GPHN: variants seen among roughly 807,000 people sequenced by gnomAD.
GPHN encodes gephyrin.
In GPHN, 17 loss-of-function variants were observed where a neutral mutation model predicts 95.5. The observed-to-expected ratio is 0.18, with a 90% confidence interval of 0.12 to 0.27. The LOEUF (loss-of-function observed/expected upper bound fraction) is 0.27, where lower values mean the gene tolerates loss of function less well. Ranked by LOEUF, GPHN falls within the 10% of genes least tolerant of loss-of-function variation. The pLI, the probability that GPHN is intolerant of heterozygous loss-of-function variation, is 1.00. For missense variants in GPHN, 660 were observed against 978.1 expected, an observed-to-expected ratio of 0.67 and a Z score of 4.34; for synonymous variants, 320 against 322.5, an observed-to-expected ratio of 0.99 and a Z score of 0.08.
chr14:67,729,968 T>G, the GPHN span: 1 of 376,162 alleles, frequency 2.7e-6, no homozygotes, highest in East Asian at 7.2e-5. Context: ...GTTGTCCCGC[T>G]TTGTTCAAGG....
At chr14:67,092,053 A>G (rs901168668) in intron 12 of GPHN, among the ~76,000 whole-genome samples, 11 of 152,092 alleles carry the variant, frequency 7.2e-5, no homozygotes, top group African/African-American at 2.7e-4. Context: ...GTCTGTGTAT[A>G]CAATATGAAC....
At chr14:66,834,649 C>T (rs1295648477) in intron 4 of GPHN, among the ~76,000 whole-genome samples, 1 of 151,426 alleles carries the variant, frequency 6.6e-6, no homozygotes, top group South Asian at 2.1e-4. Flanking sequence ...CTGCTGGATT[C>T]GGTTTGCCAG....
At chr14:67,047,338 G>T (rs373398404) in intron 10 of GPHN, among the ~76,000 whole-genome samples, 66 of 136,434 alleles carry the variant, frequency 4.8e-4, no homozygotes, top group African/African-American at 1.6e-3. Context: ...GTGTGTTTGT[G>T]TGTGTGTGTG....
intron 1 of GPHN, among the ~76,000 whole-genome samples, chr14:66,639,917 C>T (rs1042122098): frequency 2.0e-5 from 3 of 152,052 alleles, no homozygotes; most frequent in East Asian, 1.9e-4. Context: ...TAGTGCTTAT[C>T]GTATTTCTGT....
the GPHN span, chr14:67,376,447 C>G: frequency 6.2e-7 from 1 of 1,605,022 alleles, no homozygotes; most frequent in Non-Finnish European, 8.5e-7. Context: ...AGGTTTATAG[C>G]ATTCTTCGTC....
chr14:67,685,003 T>C, the GPHN span: 3 of 1,595,764 alleles, frequency 1.9e-6, no homozygotes, highest in Non-Finnish European at 2.6e-6. Flanking sequence ...CAAAAAGAGA[T>C]AACATTCATA....
the GPHN span, chr14:67,674,634 G>A: frequency 2.4e-5 from 14 of 581,938 alleles, no homozygotes; most frequent in African/African-American, 1.6e-4. Flanking sequence ...CGGAGCCGCG[G>A]CAGGGTCCTC....
chr14:67,030,306 C>A (rs2074134242), intron 10 of GPHN, among the ~76,000 whole-genome samples: 1 of 152,132 alleles, frequency 6.6e-6, no homozygotes, highest in African/African-American at 2.4e-5. Flanking sequence ...TTTGTCCAAA[C>A]CAGAAATCTT....
Position 66,922,878 on chromosome 14 carries a change from T to C in GPHN, c.669T>C (p.Gly223=), listed in dbSNP as rs1342866999. 8 of 1,613,128 alleles carry C rather than the reference T, an allele frequency of 5.0e-6. No individual in the cohort carries two copies. The Admixed American group carries it at 1.3e-4, about 27-fold the overall frequency. ...AGGAAGAAGAGAAGAAAGACAGTGGTGTTGCTTCAACAGAAGATAGTTCCT... is the reference window on the plus strand; with the variant it reads ...AGGAAGAAGAGAAGAAAGACAGTGGCGTTGCTTCAACAGAAGATAGTTCCT... ...EEEEEEKKDS[G]VASTEDSSSS... Residue 223 remains glycine (G), a synonymous_variant, in exon 7 of 23, where the codon GGT becomes GGC. Transcript: ENST00000478722.
At chr14:67,292,799 T>C in the GPHN span, 2 of 1,061,504 alleles carry the variant, frequency 1.9e-6, no homozygotes, top group African/African-American at 3.2e-5. Context: ...AAAATACTAA[T>C]GTGACTATAA....
the GPHN span, among the ~76,000 whole-genome samples, chr14:67,689,053 A>T: frequency 6.6e-6 from 1 of 152,220 alleles, no homozygotes; most frequent in Admixed American, 6.5e-5. Context: ...TTCATGTATT[A>T]GTGAATTCTC....
At chr14:67,111,773 G>A in intron 14 of GPHN, 88 bp from the exon 15 acceptor site, 1 of 927,872 alleles carries the variant, frequency 1.1e-6, no homozygotes, top group Non-Finnish European at 1.8e-6. Flanking sequence ...ATATATCCTG[G>A]GCCTATCTGA....
At chr14:67,732,240 C>A in the GPHN span, among the ~76,000 whole-genome samples, 2 of 151,616 alleles carry the variant, frequency 1.3e-5, no homozygotes, top group Admixed American at 1.3e-4. Flanking sequence ...AATTCCATAC[C>A]AGCCTGGACA....
At chr14:67,485,639 CG>C in the GPHN span, among the ~76,000 whole-genome samples, 2 of 152,204 alleles carry the variant, frequency 1.3e-5, no homozygotes, top group Non-Finnish European at 1.5e-5. Context: ...CACCAGGCTA[CG>C]GGCCCTGCAC....
chr14:67,483,103 C>T, the GPHN span, among the ~76,000 whole-genome samples: 1 of 152,004 alleles, frequency 6.6e-6, no homozygotes, highest in Non-Finnish European at 1.5e-5. Context: ...CTCTGTCGCC[C>T]GGGTTCAAGC....
rs561366028 is a variant in GPHN, at chr14:66,852,397, G to A, written c.295-27542G>A. On this transcript the variant is annotated intron_variant, in intron 4 of 22. Coordinates refer to ENST00000478722, the MANE Select transcript of GPHN (RefSeq NM_020806.5). The stretch of plus-strand genomic sequence containing the variant: ...GAAAAAAATGTGTGTGTGTGCGTGC[G>A]CGTGCGCGTGTTCACCTGTGCACAC... Among the ~76,000 whole-genome samples the A allele has an allele frequency of 2.5e-3, 381 of 152,304 alleles. 4 individuals carry two copies. Among genetic ancestry groups the A allele is most frequent in the African/African-American group, 8.3e-3 (347 of 41,574 alleles).
At chr14:67,651,564 C>T in the GPHN span, 21 of 1,463,470 alleles carry the variant, frequency 1.4e-5, no homozygotes, top group African/African-American at 1.3e-4. Context: ...CCTGGGACCA[C>T]GGCTGGATAC....
intron 2 of GPHN, among the ~76,000 whole-genome samples, chr14:66,693,056 A>G (rs904898617): frequency 6.6e-6 from 1 of 151,982 alleles, no homozygotes. Context: ...AGCCCACTAC[A>G]TATTAAAATA....
chr14:67,544,012 G>A, the GPHN span, among the ~76,000 whole-genome samples: 55 of 152,116 alleles, frequency 3.6e-4, no homozygotes, highest in African/African-American at 1.3e-3. Context: ...TAATATCTGT[G>A]GGGATAGAAA....
Sources: gnomAD v4.1 joint callset for allele counts (sites outside exome capture counted in the v4.1 genomes callset) on GRCh38, gnomAD v4.1.1 for gene constraint, MANE v1.5 for transcripts, NCBI Gene and HGNC (gene_info 2026-07-23, HGNC 2026-07-21) for gene names.